Variants in DPP6 observed in about 807,000 individuals in gnomAD.
DPP6 encodes dipeptidyl peptidase like 6, also known as A-type potassium channel modulatory protein DPP6.
A neutral mutation model predicts 122.6 loss-of-function variants in DPP6; 69 were observed. The observed-to-expected ratio is 0.56, with a 90% CI of 0.46 to 0.69. The LOEUF (loss-of-function observed/expected upper bound fraction) is 0.69, where lower values mean the gene tolerates loss of function less well. DPP6 is among the 30% of genes least tolerant of loss of function. DPP6 has a pLI of 0.00. For missense variants in DPP6, 928 were observed against 1,116.9 expected, an observed-to-expected ratio of 0.83 and a Z score of 2.41; for synonymous variants, 418 against 433.1, an observed-to-expected ratio of 0.97 and a Z score of 0.43.
intron 1 of DPP6, among the ~76,000 whole-genome samples, chr7:154,203,732 A>G: frequency 6.6e-6 from 1 of 152,192 alleles, no homozygotes; most frequent in East Asian, 1.9e-4. Context: ...CTCTCTTCTG[A>G]TCTGTGAGGC....
In DPP6 at chr7:154,046,637, ACT is replaced by A. The variant is rs374692431; in HGVS notation, c.51+158906_51+158907del. Among the ~76,000 whole-genome samples, 113 of 152,076 alleles carry A rather than the reference ACT, an allele frequency of 7.4e-4. 1 individual carries two copies. The highest frequency in any genetic ancestry group is 2.5e-3 in the African/African-American group (102 of 41,452). On this transcript the variant is annotated intron_variant, in intron 1 of 25. Transcript: ENST00000404039. ...AAGGGGGTTTGTCACGTAAAGGAAG[ACT>A]CTTTCCTCTTCCCTCCTTATGTTTC...
chr7:154,595,991 G>A (rs1833068950), intron 5 of DPP6, among the ~76,000 whole-genome samples: 1 of 151,938 alleles, frequency 6.6e-6, no homozygotes, highest in South Asian at 2.1e-4. Context: ...AACCCAGGAG[G>A]CAGAGGTTAC....
chr7:154,204,107 C>T (rs749541432), intron 1 of DPP6, among the ~76,000 whole-genome samples: 2 of 152,184 alleles, frequency 1.3e-5, no homozygotes, highest in Non-Finnish European at 2.9e-5. Flanking sequence ...GCCTGGTCAT[C>T]CTGCAGGGCA....
At chr7:153,769,333 A>C in the DPP6 span, among the ~76,000 whole-genome samples, 1 of 152,216 alleles carries the variant, frequency 6.6e-6, no homozygotes, top group African/African-American at 2.4e-5. Flanking sequence ...AAATAATAGC[A>C]ATCAAGCTAA....
chr7:153,973,138 G>A (rs973220833), intron 1 of DPP6, among the ~76,000 whole-genome samples: 11 of 151,744 alleles, frequency 7.2e-5, no homozygotes, highest in Middle Eastern at 3.2e-3. Context: ...AGTGAAAAGT[G>A]TGGAAAGAAA....
chr7:154,534,549 A>G (rs1172634887), intron 3 of DPP6, among the ~76,000 whole-genome samples: 1 of 151,826 alleles, frequency 6.6e-6, no homozygotes, highest in Non-Finnish European at 1.5e-5. Context: ...AGGACACAAA[A>G]TCAATAGACA....
chr7:154,546,636 G>A (rs1398940308), intron 4 of DPP6, among the ~76,000 whole-genome samples: 5 of 151,940 alleles, frequency 3.3e-5, no homozygotes, highest in Non-Finnish European at 7.4e-5. Flanking sequence ...TCTCTAAGCT[G>A]TATCCTTCTT....
rs1833595067 is a variant in DPP6, at chr7:154,606,643, C to G, written c.628-31178C>G. 1.7e-5 allele frequency among the ~76,000 whole-genome samples: 2 copies of G among 120,604 alleles called. 1 individual carries two copies. Among genetic ancestry groups the G allele is most frequent in the African/African-American group, 5.3e-5 (2 of 37,872 alleles). The allele number at this position is 120,604 out of a possible 152,430, so 79.1% of individuals were successfully genotyped here. A position where few individuals can be genotyped will look rare whatever the true frequency, so the allele number is the denominator to read the frequency against. On this transcript the variant is annotated intron_variant, in intron 5 of 25. Coordinates refer to ENST00000377770, the MANE Select transcript of DPP6 (RefSeq NM_130797.4). Reference sequence around the variant, plus strand: ...AATAACAGGTTTGAACTGTGCAAGTCCACTGATAAGTGAATTTTTTACAAT... The same window carrying G: ...AATAACAGGTTTGAACTGTGCAAGTGCACTGATAAGTGAATTTTTTACAAT...
At chr7:154,734,495 T>G (rs1441110572) in intron 8 of DPP6, among the ~76,000 whole-genome samples, 1 of 152,222 alleles carries the variant, frequency 6.6e-6, no homozygotes, top group Admixed American at 6.5e-5. Context: ...CATACTGATG[T>G]TTTTTAAATA....
the DPP6 span, among the ~76,000 whole-genome samples, chr7:153,874,639 G>A: frequency 3.3e-5 from 5 of 152,188 alleles, no homozygotes; most frequent in Non-Finnish European, 7.3e-5. Flanking sequence ...GCCTCCCAGA[G>A]TGCTGGGATT....
In DPP6 at chr7:154,821,599, G is replaced by C. The variant is rs1799761376; in HGVS notation, c.1666+14487G>C. 9.3e-6 allele frequency among the ~76,000 whole-genome samples: 1 copy of C among 107,022 alleles called. No individual in the cohort carries two copies. Among genetic ancestry groups the C allele is most frequent in the Non-Finnish European group, 1.9e-5 (1 of 52,646 alleles). The allele number at this position is 107,022 out of a possible 152,430, so 70.2% of individuals were successfully genotyped here. ...AATCAGTTTTCAAATGAAATGTTAAGTGAATATATATATATATATTTTTTT... is the reference window on the plus strand; with the variant it reads ...AATCAGTTTTCAAATGAAATGTTAACTGAATATATATATATATATTTTTTT... On this transcript the variant is annotated intron_variant, in intron 16 of 25. Transcript: ENST00000377770. The surrounding 1 kb of genome is among the most constrained non-coding windows in gnomAD (Gnocchi z 4.2).
intron 3 of DPP6, among the ~76,000 whole-genome samples, chr7:154,496,585 A>C (rs1824759428): frequency 6.6e-6 from 1 of 152,150 alleles, no homozygotes; most frequent in African/African-American, 2.4e-5. Flanking sequence ...CTTTGAACCC[A>C]CAGTGTGCTG....
At chr7:153,788,153 T>G in the DPP6 span, among the ~76,000 whole-genome samples, 1 of 152,212 alleles carries the variant, frequency 6.6e-6, no homozygotes, top group Admixed American at 6.5e-5. Context: ...ATATAGTCAA[T>G]GACTGTATTA....
chr7:154,041,750 G>GT (rs112011849), intron 1 of DPP6, among the ~76,000 whole-genome samples: 224 of 149,982 alleles, frequency 1.5e-3, no homozygotes, highest in South Asian at 6.5e-3. Flanking sequence ...TCTCATGTTT[G>GT]TTTTTTTTGT....
chr7:154,371,553 T>A (rs949601214), intron 1 of DPP6, among the ~76,000 whole-genome samples: 1 of 152,080 alleles, frequency 6.6e-6, no homozygotes, highest in Non-Finnish European at 1.5e-5. Flanking sequence ...GTGGTTGATA[T>A]TTCGTGACTC....
intron 1 of DPP6, among the ~76,000 whole-genome samples, chr7:154,110,777 G>A (rs945281389): frequency 1.4e-3 from 216 of 151,816 alleles, no homozygotes; most frequent in Non-Finnish European, 2.6e-3. Flanking sequence ...ACAGACCATG[G>A]CCCAGGACAA....
At chr7:154,763,400 AAAG>A (rs1795695428) in intron 8 of DPP6, among the ~76,000 whole-genome samples, 1 of 152,134 alleles carries the variant, frequency 6.6e-6, no homozygotes, top group Non-Finnish European at 1.5e-5. Flanking sequence ...GAAAGGGAGA[AAAG>A]AAAGGAAAGA....
intron 19 of DPP6, among the ~76,000 whole-genome samples, chr7:154,872,992 C>T (rs1049108837): frequency 2.8e-4 from 43 of 152,180 alleles, no homozygotes; most frequent in African/African-American, 9.4e-4. Flanking sequence ...ACAGGCTCAC[C>T]GGAGGCTGGC....
intron 1 of DPP6, among the ~76,000 whole-genome samples, chr7:154,391,121 C>T (rs1481707238): frequency 1.3e-5 from 2 of 152,194 alleles, no homozygotes; most frequent in African/African-American, 2.4e-5. Flanking sequence ...TCACAGATTA[C>T]CATCACTGTC....
Sources: allele counts gnomAD v4.1 joint callset (sites outside exome capture counted in the v4.1 genomes callset), GRCh38; gene constraint gnomAD v4.1.1; non-coding constraint Gnocchi (gnomAD v3.1); transcripts MANE v1.5; gene names NCBI Gene and HGNC (gene_info 2026-07-23, HGNC 2026-07-21).